Variants in FUT8 observed in about 807,000 individuals in gnomAD.
FUT8 encodes alpha-(1,6)-fucosyltransferase.
FUT8 carries 29 observed loss-of-function variants against 71.3 expected under a neutral mutation model. The observed-to-expected ratio is 0.41, with a 90% CI of 0.30 to 0.55. The LOEUF (loss-of-function observed/expected upper bound fraction) is 0.55. Ranked by LOEUF, FUT8 falls within the 20% of genes least tolerant of loss-of-function variation. The probability of loss-of-function intolerance (pLI) is 0.34; values close to 1 mark genes in which losing one functional copy is unlikely to be tolerated. For missense variants in FUT8, 544 were observed against 702.1 expected, an observed-to-expected ratio of 0.77 and a Z score of 2.55; for synonymous variants, 254 against 239.3, an observed-to-expected ratio of 1.06 and a Z score of -0.57.
At chr14:65,549,922 A>T (rs1885194119) in intron 2 of FUT8, among the ~76,000 whole-genome samples, 1 of 152,136 alleles carries the variant, frequency 6.6e-6, no homozygotes, top group African/African-American at 2.4e-5. Flanking sequence ...TCAGTTGGGC[A>T]TGGTGGCGCG....
At chr14:65,656,290 G>A (rs1891679014) in intron 6 of FUT8, among the ~76,000 whole-genome samples, 1 of 150,716 alleles carries the variant, frequency 6.6e-6, no homozygotes, top group Non-Finnish European at 1.5e-5. Context: ...ACAAATATCA[G>A]TATTGTTTCA....
At chr14:65,608,532 A>G (rs974458136) in intron 3 of FUT8, among the ~76,000 whole-genome samples, 2 of 152,096 alleles carry the variant, frequency 1.3e-5, no homozygotes, top group Non-Finnish European at 2.9e-5. Flanking sequence ...GTTTTAATGC[A>G]TTGAATTCCT....
chr14:65,731,035 T>C (rs552611791), intron 9 of FUT8, among the ~76,000 whole-genome samples: 6 of 152,350 alleles, frequency 3.9e-5, no homozygotes, highest in Admixed American at 3.3e-4. Flanking sequence ...TTTTGTAAAG[T>C]ATTTGGTTGC....
At chr14:65,442,896 A>T (rs950599502) in intron 1 of FUT8, among the ~76,000 whole-genome samples, 1 of 152,048 alleles carries the variant, frequency 6.6e-6, no homozygotes, top group African/African-American at 2.4e-5. Context: ...TGCACCATAA[A>T]AGTGGTCATC....
intron 3 of FUT8, among the ~76,000 whole-genome samples, chr14:65,608,710 C>CCTG: frequency 6.6e-6 from 1 of 151,898 alleles, no homozygotes; most frequent in Admixed American, 6.6e-5. Flanking sequence ...TGAGGATCAT[C>CCTG]TACAGGAAAC....
At chr14:65,434,462 G>A (rs953271842) in intron 1 of FUT8, among the ~76,000 whole-genome samples, 3 of 152,196 alleles carry the variant, frequency 2.0e-5, no homozygotes, top group Admixed American at 2.0e-4. Context: ...CAAATCGGGG[G>A]TAGTGTCAGT....
At chr14:65,724,390 C>T in intron 9 of FUT8, 67 bp downstream of exon 9, 1 of 957,806 alleles carries the variant, frequency 1.0e-6, no homozygotes, top group South Asian at 1.8e-5. Flanking sequence ...ATTCTTACTT[C>T]CCATGACTTG....
chr14:65,625,608 G>T (rs1214119780), intron 5 of FUT8, among the ~76,000 whole-genome samples: 3 of 152,128 alleles, frequency 2.0e-5, no homozygotes, highest in African/African-American at 7.2e-5. Flanking sequence ...GTTTTAAAAG[G>T]GTGAAAATGG....
intron 3 of FUT8, among the ~76,000 whole-genome samples, chr14:65,614,879 C>T (rs1202783543): frequency 6.6e-6 from 1 of 152,028 alleles, no homozygotes; most frequent in Non-Finnish European, 1.5e-5. Context: ...TTTAGCCTAC[C>T]ACGAAATTGT....
At chr14:65,733,186 T>C (rs1896060534) in intron 9 of FUT8, 45 bp from the exon 10 acceptor site, 1 of 1,273,406 alleles carries the variant, frequency 7.9e-7, no homozygotes, top group African/African-American at 1.5e-5. Flanking sequence ...TCTGATAGGA[T>C]ACTGTGATAT....
At chr14:65,474,441 G>GAAAAAAAAACAAAAAAAAA (rs2066200112) in intron 2 of FUT8, among the ~76,000 whole-genome samples, 1 of 39,698 alleles carries the variant, frequency 2.5e-5, no homozygotes, top group African/African-American at 1.0e-4. Context: ...TGTCTCTACT[G>GAAAAAAAAACAAAAAAAAA]AAAAAAAAAA....
At chr14:65,710,490 TTTG>T (rs1218622774) in intron 7 of FUT8, among the ~76,000 whole-genome samples, 2 of 152,220 alleles carry the variant, frequency 1.3e-5, no homozygotes, top group Non-Finnish European at 2.9e-5. Context: ...AAATTAAGCT[TTTG>T]TTCTATGCCA....
intron 2 of FUT8, among the ~76,000 whole-genome samples, chr14:65,526,499 G>T (rs370354785): frequency 6.6e-6 from 1 of 152,230 alleles, no homozygotes; most frequent in Middle Eastern, 3.4e-3. Context: ...ACACTGATGG[G>T]TCTTGACTCT....
At chr14:65,435,586 G>A (rs1595372051) in intron 1 of FUT8, among the ~76,000 whole-genome samples, 1 of 152,184 alleles carries the variant, frequency 6.6e-6, no homozygotes, top group Non-Finnish European at 1.5e-5. Context: ...ATAGCTTTGT[G>A]TGTGATCATA....
chr14:65,515,910 T>C (rs1282989738), intron 2 of FUT8, among the ~76,000 whole-genome samples: 3 of 152,238 alleles, frequency 2.0e-5, no homozygotes, highest in Non-Finnish European at 4.4e-5. Context: ...GATTTAGCTT[T>C]TGTGTATATT....
rs186348211 is a variant in FUT8 at position 65,716,993 on chromosome 14, A to G, written c.836-4782A>G. Among the ~76,000 whole-genome samples, 799 of 143,816 alleles carry G rather than the reference A, an allele frequency of 5.6e-3. 16 individuals are homozygous for G. The highest frequency in any genetic ancestry group is 0.02 in the African/African-American group (739 of 37,844). 94.3% of individuals were successfully genotyped at this position (143,816 alleles called of 152,430 possible). On this transcript the variant is annotated intron_variant, in intron 7 of 10. Coordinates refer to ENST00000673929, the MANE Select transcript of FUT8 (RefSeq NM_001371533.1). ...CGGGCAGAGGTGCTCCACACTTCCC[A>G]GACGGGGTGGCCGGGCAGAGGCGCT...
chr14:65,555,592 TG>T (rs1415019336), intron 2 of FUT8, among the ~76,000 whole-genome samples: 1 of 152,190 alleles, frequency 6.6e-6, no homozygotes, highest in Non-Finnish European at 1.5e-5. Context: ...CTGAGGAAGA[TG>T]GCTGTGTTTT....
intron 2 of FUT8, among the ~76,000 whole-genome samples, chr14:65,476,971 A>ACATTTTG (rs2066255951): frequency 6.6e-6 from 1 of 152,218 alleles, no homozygotes; most frequent in South Asian, 2.1e-4. Context: ...TGGATGATTG[A>ACATTTTG]ATTTTTAGAA....
chr14:65,487,560 G>A (rs1278845742), intron 2 of FUT8, among the ~76,000 whole-genome samples: 1 of 117,024 alleles, frequency 8.5e-6, no homozygotes, highest in African/African-American at 3.6e-5. Flanking sequence ...GTGAGACTCC[G>A]TCTCAAAAAA....
Sources: allele counts gnomAD v4.1 joint callset (sites outside exome capture counted in the v4.1 genomes callset), GRCh38; gene constraint gnomAD v4.1.1; transcripts MANE v1.5; gene names NCBI Gene and HGNC (gene_info 2026-07-23, HGNC 2026-07-21).